The following ROBO1 variants were observed in gnomAD, a reference collection of about 807,000 sequenced individuals.
ROBO1 encodes roundabout homolog 1.
In ROBO1, 149 loss-of-function variants were observed where a neutral mutation model predicts 195.9. The observed-to-expected ratio is 0.76, with a 90% CI of 0.67 to 0.87. The LOEUF is 0.87. Among genes scored for constraint, ROBO1 ranks in the 40% least tolerant of loss-of-function variants. The pLI, the probability that ROBO1 is intolerant of heterozygous loss-of-function variation, is 0.00. For missense variants in ROBO1, 1,933 were observed against 2,068.3 expected (o/e 0.93, Z 1.27); for synonymous variants, 816 against 733.2 (o/e 1.11, Z -1.82).
chr3:79,289,102 T>C (rs898197870), intron 2 of ROBO1, among the ~76,000 whole-genome samples: 5 of 151,912 alleles, frequency 3.3e-5, no homozygotes, highest in African/African-American at 9.7e-5. Flanking sequence ...ATTTTTTTTT[T>C]TTAGATAATA....
At chr3:78,650,141 A>C (rs1706555252) in intron 19 of ROBO1, among the ~76,000 whole-genome samples, 1 of 151,996 alleles carries the variant, frequency 6.6e-6, no homozygotes, top group Non-Finnish European at 1.5e-5. Context: ...TCCCCACTCC[A>C]CCACACAAAG....
chr3:79,757,487 TTCTC>T (rs368104447), intron 1 of ROBO1, among the ~76,000 whole-genome samples: 8 of 145,484 alleles, frequency 5.5e-5, no homozygotes, highest in Admixed American at 4.1e-4. Context: ...CTTTCTTTCT[TTCTC>T]TCTCTCTCTC....
intron 2 of ROBO1, among the ~76,000 whole-genome samples, chr3:79,353,230 G>A (rs2035413332): frequency 6.6e-6 from 1 of 152,032 alleles, no homozygotes; most frequent in Non-Finnish European, 1.5e-5. Context: ...GTATTGTTCT[G>A]AGTCATTGAG....
chr3:79,092,488 C>G (rs904432445), intron 3 of ROBO1, among the ~76,000 whole-genome samples: 1 of 152,104 alleles, frequency 6.6e-6, no homozygotes, highest in African/African-American at 2.4e-5. Context: ...ACAGAGATGT[C>G]ATTGAAGGAA....
At chr3:79,534,932 T>TA (rs1267086567) in intron 2 of ROBO1, among the ~76,000 whole-genome samples, 1 of 152,194 alleles carries the variant, frequency 6.6e-6, no homozygotes, top group Non-Finnish European at 1.5e-5. Flanking sequence ...GACACTGGCT[T>TA]AGTCAGTTCT....
intron 5 of ROBO1, among the ~76,000 whole-genome samples, chr3:78,734,755 T>C (rs997403144): frequency 1.3e-5 from 2 of 152,312 alleles, no homozygotes; most frequent in African/African-American, 2.4e-5. Context: ...AAGTTCATTA[T>C]AGTACTTAGA....
chr3:78,738,090 CGAAG>C (rs1360186138), intron 5 of ROBO1, among the ~76,000 whole-genome samples: 1 of 151,944 alleles, frequency 6.6e-6, no homozygotes, highest in Non-Finnish European at 1.5e-5. Flanking sequence ...AAGCACTAAT[CGAAG>C]GAAGGGAGGA....
chr3:79,514,940 A>G (rs1179596325), intron 2 of ROBO1, among the ~76,000 whole-genome samples: 1 of 152,200 alleles, frequency 6.6e-6, no homozygotes, highest in East Asian at 1.9e-4. Flanking sequence ...GGAATCACAT[A>G]TTTTACTGCA....
intron 10 of ROBO1, among the ~76,000 whole-genome samples, chr3:78,679,214 A>G (rs2080823721): frequency 6.6e-6 from 1 of 151,726 alleles, no homozygotes; most frequent in South Asian, 2.1e-4. Flanking sequence ...CCCACAGCCA[A>G]TATCATACTG....
At chr3:79,362,308 G>A (rs1318049763) in intron 2 of ROBO1, among the ~76,000 whole-genome samples, 1 of 152,116 alleles carries the variant, frequency 6.6e-6, no homozygotes, top group African/African-American at 2.4e-5. Context: ...TTAAGGTTAT[G>A]AGTAACAATT....
chr3:79,366,659 G>A (rs1252990461), intron 2 of ROBO1, among the ~76,000 whole-genome samples: 4 of 152,060 alleles, frequency 2.6e-5, no homozygotes, highest in Non-Finnish European at 5.9e-5. Context: ...GGCACATAAC[G>A]GCCACCAATA....
intron 2 of ROBO1, among the ~76,000 whole-genome samples, chr3:79,208,659 T>A (rs756176298): frequency 6.6e-6 from 1 of 151,288 alleles, no homozygotes; most frequent in Admixed American, 6.6e-5. Flanking sequence ...AAAGTTAATA[T>A]AGTTGTTGTT....
At chr3:79,067,042 T>TATTTTTTTTAATG (rs1357045071) in intron 3 of ROBO1, among the ~76,000 whole-genome samples, 2 of 151,946 alleles carry the variant, frequency 1.3e-5, no homozygotes, top group Non-Finnish European at 2.9e-5. Context: ...TAAAAAAATG[T>TATTTTTTTTAATG]GTTTTTCTTG....
intron 4 of ROBO1, among the ~76,000 whole-genome samples, chr3:78,889,434 A>C (rs548615379): frequency 6.6e-6 from 1 of 152,348 alleles, no homozygotes; most frequent in South Asian, 2.1e-4. Flanking sequence ...GAGAGCCGTA[A>C]GTAGGAAGAA....
In ROBO1 at chr3:78,714,402, ACAGT is replaced by A; in HGVS notation, c.1036_1039del (p.Thr346PhefsTer9). The A allele has an allele frequency of 1.2e-6, 2 of 1,611,494 alleles. No individual in the cohort carries two copies. The highest frequency in any genetic ancestry group is 1.7e-6 in the Non-Finnish European group (2 of 1,178,888). On this transcript the variant is annotated frameshift_variant, in exon 8 of 31. Coordinates refer to ENST00000464233, the MANE Select transcript of ROBO1 (RefSeq NM_002941.4). LOFTEE classifies it high-confidence loss of function. ...AAGCCTTTCCCAATGCCTACCTTGA[ACAGT>A]CAGAGTAGCAGATGCTTCAGCTTTG...
intron 2 of ROBO1, among the ~76,000 whole-genome samples, chr3:79,564,005 G>T (rs1021992575): frequency 6.6e-6 from 1 of 150,796 alleles, no homozygotes; most frequent in Non-Finnish European, 1.5e-5. Context: ...AAGTTACGTA[G>T]TGGCCTTTTT....
chr3:79,524,880 T>G, intron 2 of ROBO1, among the ~76,000 whole-genome samples: 1 of 152,142 alleles, frequency 6.6e-6, no homozygotes, highest in South Asian at 2.1e-4. Context: ...GTCCTAGAAA[T>G]AAAATAGTTG....
intron 29 of ROBO1, among the ~76,000 whole-genome samples, chr3:78,605,817 A>G (rs1703430277): frequency 6.6e-6 from 1 of 152,188 alleles, no homozygotes; most frequent in South Asian, 2.1e-4. Context: ...AGGGCCACCT[A>G]GTCAACCTAT....
At chr3:78,630,030 G>A (rs1215762216) in intron 25 of ROBO1, among the ~76,000 whole-genome samples, 2 of 152,168 alleles carry the variant, frequency 1.3e-5, no homozygotes, top group Non-Finnish European at 2.9e-5. Context: ...GCTTGTTAGT[G>A]TTTCCACGCC....
Sources: gnomAD v4.1 joint callset for allele counts (sites outside exome capture counted in the v4.1 genomes callset) on GRCh38, gnomAD v4.1.1 for gene constraint, MANE v1.5 for transcripts, NCBI Gene and HGNC (gene_info 2026-07-23, HGNC 2026-07-21) for gene names.